The following NTF3 variants were observed in gnomAD, a reference collection of about 807,000 sequenced individuals.
NTF3 encodes neurotrophin 3.
Under a neutral mutation model 26.3 loss-of-function variants are expected in NTF3, and 8 were observed. The ratio of observed to expected loss-of-function variants is 0.30; its 90% CI spans 0.18 to 0.55. The LOEUF is 0.55. Among genes scored for constraint, NTF3 ranks in the 20% least tolerant of loss-of-function variants. NTF3 has a pLI of 0.93. For synonymous variants in NTF3, 154 were observed against 145.5 expected (o/e 1.06, Z -0.42); for missense variants, 276 against 352.9 (o/e 0.78, Z 1.75).
chr12:5,491,449 G>A (rs1347482064), intron 1 of NTF3, among the ~76,000 whole-genome samples: 1 of 152,168 alleles, frequency 6.6e-6, no homozygotes, highest in Non-Finnish European at 1.5e-5. Flanking sequence ...GCCACTGGGA[G>A]AGCAGGCTGA....
rs1487453605 is a variant in NTF3, at chr12:5,494,280, T to C, written c.105T>C (p.Asp35=). ...YLRGIQGNNM[D]QRSLPEDSLN... ...GTGGCATCCAAGGTAACAACATGGA[T>C]CAAAGGAGTTTGCCAGAAGACTCGC... Residue 35 remains aspartate, a synonymous_variant, in exon 2 of 2, where the codon GAT becomes GAC. Coordinates refer to ENST00000423158, the MANE Select transcript of NTF3 (RefSeq NM_001102654.2). The surrounding 1 kb of genome is among the most constrained non-coding windows in gnomAD (Gnocchi z 8.3). The C allele has an allele frequency of 1.2e-6, 2 of 1,613,990 alleles. No individual in the cohort carries two copies. Among genetic ancestry groups the C allele is most frequent in the Non-Finnish European group, 8.5e-7 (1 of 1,180,032 alleles).
chr12:5,437,037 A>G (rs1163003212), intron 1 of NTF3, among the ~76,000 whole-genome samples: 1 of 152,228 alleles, frequency 6.6e-6, no homozygotes, highest in East Asian at 1.9e-4. Context: ...CTGCCTGGTA[A>G]GAGGAAAGCC....
In NTF3 at chr12:5,448,086, C is replaced by T. The variant is rs546986794; in HGVS notation, c.18+15744C>T. On this transcript the variant is annotated intron_variant, in intron 1 of 1. Transcript: ENST00000423158. ...CTGCTCTTGATGAACTCTCTGCACA[C>T]ACTTGCACCTGTATCTGTGAAACAG... Among the ~76,000 whole-genome samples the T allele has an allele frequency of 7.9e-5, 12 of 152,340 alleles. 1 individual carries two copies. The South Asian group carries it at 1.9e-3, about 24-fold the overall frequency.
intron 1 of NTF3, among the ~76,000 whole-genome samples, chr12:5,479,974 C>A (rs1940767513): frequency 6.6e-6 from 1 of 152,140 alleles, no homozygotes; most frequent in African/African-American, 2.4e-5. Flanking sequence ...CCTGGAGCAT[C>A]CCTGGGAGTC....
chr12:5,456,072 T>C lies in NTF3; in HGVS notation c.18+23730T>C, dbSNP rs921446016. ...TATCTGTGACTTCTTCCTCCAAGCA[T>C]GTCCGGACCTCCAGTCAATGGTGGG... On this transcript the variant is annotated intron_variant, in intron 1 of 1. Coordinates refer to ENST00000423158, the MANE Select transcript of NTF3 (RefSeq NM_001102654.2). This position sits in a 1 kb window ranked among gnomAD's most constrained non-coding sequence, Gnocchi z 4.4. 6.6e-6 allele frequency among the ~76,000 whole-genome samples: 1 copy of C among 152,182 alleles called. No homozygotes were observed. The highest frequency in any genetic ancestry group is 2.4e-5 in the African/African-American group (1 of 41,440).
At chr12:5,466,113 C>T (rs867304444) in intron 1 of NTF3, among the ~76,000 whole-genome samples, 1 of 152,186 alleles carries the variant, frequency 6.6e-6, no homozygotes. Context: ...CTGGAAGGGA[C>T]GTGTGGGCGT....
chr12:5,476,161 C>A (rs976725483), intron 1 of NTF3, among the ~76,000 whole-genome samples: 3 of 152,132 alleles, frequency 2.0e-5, no homozygotes, highest in Non-Finnish European at 2.9e-5. Flanking sequence ...GCAGTCCTAC[C>A]GTGCAACCAT....
chr12:5,453,348 G>A (rs1940398788), intron 1 of NTF3, among the ~76,000 whole-genome samples: 3 of 152,132 alleles, frequency 2.0e-5, no homozygotes, highest in South Asian at 2.1e-4. Context: ...CACCTTCAGT[G>A]TTTCCTACCC....
intron 1 of NTF3, among the ~76,000 whole-genome samples, chr12:5,445,967 T>C (rs1327737290): frequency 3.3e-5 from 5 of 152,176 alleles, no homozygotes; most frequent in South Asian, 2.1e-4. Flanking sequence ...TCTGAAGCAC[T>C]CACCGTCTCT....
intron 1 of NTF3, among the ~76,000 whole-genome samples, chr12:5,469,111 A>T (rs1940631553): frequency 6.6e-6 from 1 of 151,816 alleles, no homozygotes; most frequent in Non-Finnish European, 1.5e-5. Context: ...ACAGAGTGAG[A>T]TCCTGTCTCA....
intron 1 of NTF3, among the ~76,000 whole-genome samples, chr12:5,434,908 G>A (rs1480134590): frequency 1.3e-5 from 2 of 152,128 alleles, no homozygotes; most frequent in African/African-American, 4.8e-5. Flanking sequence ...TGGCTGGAAT[G>A]GCACTGGGGC....
At position 5,494,182 on chromosome 12, in the gene NTF3, T is replaced by A; in HGVS notation, c.19-12T>A. 6.2e-7 allele frequency: 1 copy of A among 1,609,760 alleles called. No homozygotes were observed. Among genetic ancestry groups the A allele is most frequent in the Non-Finnish European group, 8.5e-7 (1 of 1,178,972 alleles). On this transcript the variant is annotated splice_polypyrimidine_tract_variant and intron_variant, in intron 1 of 1. Transcript: ENST00000423158. This position sits in a 1 kb window ranked among gnomAD's most constrained non-coding sequence, Gnocchi z 8.3. Reference sequence around the variant, plus strand: ...CCAGAGCCTGCTCTTAACACCTGTGTTTCCTTTTCAGATCTTACAGGTGAA... The same window carrying A: ...CCAGAGCCTGCTCTTAACACCTGTGATTCCTTTTCAGATCTTACAGGTGAA...
At chr12:5,471,938 T>C (rs1940670847) in intron 1 of NTF3, among the ~76,000 whole-genome samples, 1 of 152,170 alleles carries the variant, frequency 6.6e-6, no homozygotes, top group African/African-American at 2.4e-5. Flanking sequence ...AGAGATGTCT[T>C]ATGTTCAACA....
chr12:5,482,213 C>T (rs180752336), intron 1 of NTF3, among the ~76,000 whole-genome samples: 6 of 152,342 alleles, frequency 3.9e-5, no homozygotes, highest in Non-Finnish European at 7.4e-5. Flanking sequence ...TCCCACAAGA[C>T]GGGTACTGGC....
At position 5,494,856 on chromosome 12, in the gene NTF3, C is replaced by G; in HGVS notation, c.681C>G (p.Asn227Lys). 1 of 1,614,108 alleles carries G rather than the reference C, an allele frequency of 6.2e-7. No individual in the cohort carries two copies. Among genetic ancestry groups the G allele is most frequent in the Non-Finnish European group, 8.5e-7 (1 of 1,180,036 alleles). ...GCRGIDDKHW[N>K]SQCKTSQTYV... ...GGGGTATTGATGATAAACACTGGAACTCTCAGTGCAAAACATCCCAAACCT... is the reference window on the plus strand; with the variant it reads ...GGGGTATTGATGATAAACACTGGAAGTCTCAGTGCAAAACATCCCAAACCT... Residue 227 changes from asparagine to lysine, a missense_variant, in exon 2 of 2, where the codon AAC becomes AAG. By Grantham distance (94) the Asn-to-Lys change is moderately conservative (BLOSUM62 0). This residue lies in a region of NTF3 where 52 missense variants were observed against 78.4 expected (regional missense o/e 0.66). Transcript: ENST00000423158. This position sits in a 1 kb window ranked among gnomAD's most constrained non-coding sequence, Gnocchi z 8.3.
chr12:5,452,427 T>C (rs1004806456), intron 1 of NTF3, among the ~76,000 whole-genome samples: 10 of 152,190 alleles, frequency 6.6e-5, no homozygotes, highest in Non-Finnish European at 1.0e-4. Flanking sequence ...TTGCATAAGA[T>C]GACTTTTCAC....
chr12:5,482,079 A>G (rs1431776444), intron 1 of NTF3, among the ~76,000 whole-genome samples: 1 of 152,136 alleles, frequency 6.6e-6, no homozygotes, highest in East Asian at 1.9e-4. Flanking sequence ...ACACATCTGC[A>G]GTCATACACA....
intron 1 of NTF3, among the ~76,000 whole-genome samples, chr12:5,441,000 C>G (rs902092732): frequency 6.6e-6 from 1 of 152,196 alleles, no homozygotes; most frequent in South Asian, 2.1e-4. Flanking sequence ...TTGCCAGATT[C>G]GTGGCGGATC....
chr12:5,443,027 C>A (rs963943174), intron 1 of NTF3, among the ~76,000 whole-genome samples: 1 of 152,082 alleles, frequency 6.6e-6, no homozygotes, highest in African/African-American at 2.4e-5. Flanking sequence ...GAAGGAGGAG[C>A]CCTTATAGGC....
Sources: gnomAD v4.1 joint callset for allele counts (sites outside exome capture counted in the v4.1 genomes callset) on GRCh38, gnomAD v4.1.1 for gene constraint, gnomAD v4.1.1 regional missense constraint, Gnocchi (gnomAD v3.1) non-coding constraint, MANE v1.5 for transcripts, NCBI Gene and HGNC (gene_info 2026-07-23, HGNC 2026-07-21) for gene names.